MARCO: variants seen among roughly 807,000 people sequenced by gnomAD.
MARCO encodes the protein macrophage receptor MARCO.
In MARCO, 72 loss-of-function variants were observed where a neutral mutation model predicts 70.0. The observed-to-expected ratio is 1.03, with a 90% CI of 0.85 to 1.25. The LOEUF is 1.25. Ranked by LOEUF, MARCO falls within the 50% of genes most tolerant of loss-of-function variation. MARCO has a pLI of 0.00. For synonymous variants in MARCO, 273 were observed against 243.1 expected, an observed-to-expected ratio of 1.12 and a Z score of -1.14; for missense variants, 696 against 659.3, an observed-to-expected ratio of 1.06 and a Z score of -0.61.
At chr2:118,986,664 G>GAAA (rs1680503919) in intron 12 of MARCO, among the ~76,000 whole-genome samples, 1 of 35,374 alleles carries the variant, frequency 2.8e-5, no homozygotes, top group African/African-American at 2.4e-4. Flanking sequence ...AAGGAAGGAA[G>GAAA]GAAGGAAGGA....
At chr2:118,964,987 C>A (rs1465836471) in intron 1 of MARCO, among the ~76,000 whole-genome samples, 3 of 151,410 alleles carry the variant, frequency 2.0e-5, no homozygotes, top group Non-Finnish European at 4.4e-5. Flanking sequence ...ATTTTCTCTG[C>A]CTTTTTATGT....
At chr2:118,994,361 C>T in intron 16 of MARCO, 26 bp from the exon 17 acceptor site, 1 of 1,613,910 alleles carries the variant, frequency 6.2e-7, no homozygotes, top group Middle Eastern at 1.7e-4. Context: ...CCTTCTTCCT[C>T]TGTCTCTTGC....
intron 1 of MARCO, among the ~76,000 whole-genome samples, chr2:118,947,726 T>G (rs1427649146): frequency 6.6e-6 from 1 of 152,226 alleles, no homozygotes; most frequent in Non-Finnish European, 1.5e-5. Context: ...CCACAGTGCT[T>G]TGATTACTAT....
rs538390615 is a variant in MARCO, at chr2:118,966,712, C to T, written c.98-2448C>T. Among the ~76,000 whole-genome samples the T allele has an allele frequency of 9.1e-4, 139 of 152,294 alleles. 1 individual carries two copies. Among genetic ancestry groups the T allele is most frequent in the African/African-American group, 3.3e-3 (137 of 41,552 alleles). ...AATATCTGTATTTTCCATGCTTGCTCCAGCCTCTGACTTCTGTAATACCTG... is the reference window on the plus strand; with the variant it reads ...AATATCTGTATTTTCCATGCTTGCTTCAGCCTCTGACTTCTGTAATACCTG... On this transcript the variant is annotated intron_variant, in intron 1 of 16. Transcript: ENST00000327097.
chr2:118,982,002 TC>T (rs1282777983), intron 10 of MARCO, among the ~76,000 whole-genome samples, 153 bp from the exon 11 acceptor site: 1 of 152,214 alleles, frequency 6.6e-6, no homozygotes, highest in Non-Finnish European at 1.5e-5. Context: ...GAGGGCTAGC[TC>T]ATGGCTTCTA....
intron 8 of MARCO, among the ~76,000 whole-genome samples, chr2:118,980,998 T>A (rs1237891028): frequency 6.6e-6 from 1 of 152,228 alleles, no homozygotes; most frequent in East Asian, 1.9e-4. Flanking sequence ...TTTTTCTCTC[T>A]ATTGATGCCT....
chr2:118,966,031 C>A (rs1680040418), intron 1 of MARCO, among the ~76,000 whole-genome samples: 1 of 151,898 alleles, frequency 6.6e-6, no homozygotes, highest in Non-Finnish European at 1.5e-5. Context: ...GAGGAGGACA[C>A]CCTACCAGCA....
intron 1 of MARCO, among the ~76,000 whole-genome samples, chr2:118,950,895 T>C (rs1415119274): frequency 6.6e-6 from 1 of 152,236 alleles, no homozygotes; most frequent in Non-Finnish European, 1.5e-5. Context: ...GATTAGAAGT[T>C]AGGATAATAC....
Position 118,991,818 on chromosome 2 carries a change from G to A in MARCO, c.1150G>A (p.Ala384Thr). ...GGGAGAACAGGGGAGCCCAGGGCTG[G>A]CAGGTCCCAAGGGAGCCCCTGGACA... ...VKGEQGSPGLAGPKGAPGQAG... is the reference protein window; with the variant it reads ...VKGEQGSPGLTGPKGAPGQAG... The change falls in exon 14 of 17, where the codon GCA becomes ACA. Residue 384 changes from alanine to threonine, a missense_variant. Coordinates refer to ENST00000327097, the MANE Select transcript of MARCO (RefSeq NM_006770.4). The A allele has an allele frequency of 2.5e-6, 4 of 1,600,250 alleles. No individual in the cohort carries two copies. The highest frequency in any genetic ancestry group is 1.1e-5 in the South Asian group (1 of 87,364).
intron 16 of MARCO, 134 bp downstream of exon 16, chr2:118,993,434 T>C: frequency 3.6e-6 from 3 of 829,060 alleles, no homozygotes; most frequent in Non-Finnish European, 5.7e-6. Context: ...ACCAAAAAGC[T>C]CTGCAGTGCA....
In MARCO at chr2:118,977,627, T is replaced by C. The variant is rs146479274; in HGVS notation, c.658+112T>C. On this transcript the variant is annotated intron_variant, in intron 7 of 16. Coordinates refer to ENST00000327097, the MANE Select transcript of MARCO (RefSeq NM_006770.4). ...CAGCCCCACCCCAGCCCCTGACAGT[T>C]ACTGCCCACCCTACAGTCCTCTTCT... The C allele has an allele frequency of 1.1e-4, 96 of 847,028 alleles. No individual in the cohort carries two copies. The East Asian group carries it at 2.2e-3, about 19-fold the overall frequency. The allele number at this position is 847,028 out of a possible 1,614,324, so 52.5% of individuals were successfully genotyped here.
intron 1 of MARCO, among the ~76,000 whole-genome samples, chr2:118,964,824 G>A (rs1386616508): frequency 1.3e-5 from 2 of 150,990 alleles, no homozygotes; most frequent in Non-Finnish European, 2.9e-5. Context: ...GGAGATGGAG[G>A]TTGAAGCGAG....
rs1161411343 is a variant in MARCO at position 118,990,642 on chromosome 2, C to A, written c.1108+9C>A. 1 of 1,494,308 alleles carries A rather than the reference C, an allele frequency of 6.7e-7. No homozygotes were observed. The highest frequency in any genetic ancestry group is 1.8e-4 in the Middle Eastern group (1 of 5,408). 92.6% of individuals were successfully genotyped at this position (1,494,308 alleles called of 1,614,324 possible). On this transcript the variant is annotated intron_variant, in intron 13 of 16. Transcript: ENST00000327097. ...AGAATCAGGAGTTCCAGGTAAAGGG[C>A]AGGCTGCATCTTCATCCCTCGGAGT...
intron 6 of MARCO, 72 bp from the exon 7 acceptor site, chr2:118,977,399 A>C (rs1680303938): frequency 8.2e-7 from 1 of 1,225,500 alleles, no homozygotes; most frequent in African/African-American, 1.5e-5. Flanking sequence ...GGAATCTAGA[A>C]TGTCAGCTGA....
At chr2:118,943,134 T>C (rs1314871161) in intron 1 of MARCO, among the ~76,000 whole-genome samples, 2 of 152,206 alleles carry the variant, frequency 1.3e-5, no homozygotes, top group Non-Finnish European at 2.9e-5. Context: ...ACTCCCAGGC[T>C]TTGCTGGAAG....
At chr2:118,977,358 G>T in intron 6 of MARCO, 113 bp from the exon 7 acceptor site, 2 of 843,278 alleles carry the variant, frequency 2.4e-6, no homozygotes, top group East Asian at 2.5e-5. Context: ...GAGAGAGAAA[G>T]ATCTCCTTCT....
At chr2:118,952,511 G>C (rs751201029) in intron 1 of MARCO, 1 of 152,250 alleles carries the variant, frequency 6.6e-6, no homozygotes, top group African/African-American at 2.4e-5. Flanking sequence ...AAACAACACC[G>C]CAAGCAGGGT....
intron 15 of MARCO, 47 bp downstream of exon 15, chr2:118,992,523 C>T (rs765701636): frequency 2.0e-6 from 3 of 1,476,514 alleles, no homozygotes; most frequent in South Asian, 2.3e-5. Context: ...AAAGTCAATT[C>T]TGCACCTGAA....
intron 12 of MARCO, among the ~76,000 whole-genome samples, chr2:118,983,519 T>A (rs942823114): frequency 6.6e-6 from 1 of 152,214 alleles, no homozygotes; most frequent in Non-Finnish European, 1.5e-5. Flanking sequence ...GTGTTTTTTA[T>A]GGACAGTGTG....
Sources: allele counts gnomAD v4.1 joint callset (sites outside exome capture counted in the v4.1 genomes callset), GRCh38; gene constraint gnomAD v4.1.1; transcripts MANE v1.5; gene names NCBI Gene and HGNC (gene_info 2026-07-23, HGNC 2026-07-21).